ACSM6: variants seen among roughly 807,000 people sequenced by gnomAD.
ACSM6 encodes the protein acyl-coenzyme A synthetase ACSM6, mitochondrial.
A neutral mutation model predicts 51.1 loss-of-function variants in ACSM6; 35 were observed. The ratio of observed to expected loss-of-function variants is 0.69; its 90% CI spans 0.52 to 0.91. The LOEUF is 0.91. Ranked by LOEUF, ACSM6 falls within the 40% of genes least tolerant of loss-of-function variation. ACSM6 has a pLI of 0.00. For synonymous variants in ACSM6, 172 were observed against 207.3 expected, an observed-to-expected ratio of 0.83 and a Z score of 1.46; for missense variants, 509 against 584.1, an observed-to-expected ratio of 0.87 and a Z score of 1.32.
intron 3 of ACSM6, among the ~76,000 whole-genome samples, chr10:95,204,714 A>C (rs2034826184): frequency 6.6e-6 from 1 of 152,228 alleles, no homozygotes; most frequent in Non-Finnish European, 1.5e-5. Flanking sequence ...ATGAACCATT[A>C]AAAATTGAAA....
chr10:95,211,106 A>C (rs1479052223), intron 5 of ACSM6, among the ~76,000 whole-genome samples: 1 of 152,198 alleles, frequency 6.6e-6, no homozygotes, highest in Non-Finnish European at 1.5e-5. Context: ...CACCAGGGTG[A>C]ACAATTGTGT....
intron 9 of ACSM6, among the ~76,000 whole-genome samples, chr10:95,222,285 T>A (rs2035001281): frequency 6.6e-6 from 1 of 151,950 alleles, no homozygotes; most frequent in Non-Finnish European, 1.5e-5. Context: ...CAAAAATCAG[T>A]TGTGTTTCTA....
chr10:95,204,613 T>C (rs1460488467), intron 3 of ACSM6, among the ~76,000 whole-genome samples: 1 of 152,118 alleles, frequency 6.6e-6, no homozygotes, highest in African/African-American at 2.4e-5. Flanking sequence ...AATGAAAGCA[T>C]TGATTAGTTC....
At chr10:95,225,971 G>A (rs1357637315) in intron 10 of ACSM6, 1 of 152,132 alleles carries the variant, frequency 6.6e-6, no homozygotes, top group Non-Finnish European at 1.5e-5. Context: ...CTTACATATT[G>A]TTTCTTTATA....
intron 2 of ACSM6, among the ~76,000 whole-genome samples, chr10:95,196,234 C>G (rs774916507): frequency 1.2e-4 from 19 of 152,210 alleles, no homozygotes; most frequent in Admixed American, 3.3e-4. Context: ...AAAGGCCCAG[C>G]TGGGCCCTAC....
At chr10:95,212,055 G>A (rs2034898507) in intron 6 of ACSM6, 21 bp downstream of exon 6, 6 of 1,613,520 alleles carry the variant, frequency 3.7e-6, no homozygotes, top group Non-Finnish European at 5.1e-6. Context: ...TTCCTAGTGT[G>A]GAATGTGTGG....
chr10:95,213,237 C>T (rs914472519), intron 7 of ACSM6, among the ~76,000 whole-genome samples: 1 of 151,952 alleles, frequency 6.6e-6, no homozygotes. Flanking sequence ...AATATACTAC[C>T]TTTAATTCAA....
chr10:95,194,553 A>C (rs2034706451), exon 2 of ACSM6: 3 of 1,551,858 alleles, frequency 1.9e-6, no homozygotes, highest in African/African-American at 1.4e-5. Context: ...GCCTGCTGCT[A>C]TCCAAACCAA....
chr10:95,211,777 T>C, intron 5 of ACSM6, 101 bp from the exon 6 acceptor site: 2 of 1,265,328 alleles, frequency 1.6e-6, no homozygotes, highest in Non-Finnish European at 2.2e-6. Context: ...TTGTGTGATC[T>C]TTGTTTCTCC....
intron 10 of ACSM6, among the ~76,000 whole-genome samples, chr10:95,226,988 CTTT>C (rs11342263): frequency 1.1e-4 from 15 of 140,148 alleles, no homozygotes; most frequent in Admixed American, 1.4e-4. Context: ...TATATGACAA[CTTT>C]TTTTTTTTTT....
intron 8 of ACSM6, among the ~76,000 whole-genome samples, chr10:95,218,489 C>G (rs1208723161): frequency 2.6e-5 from 4 of 152,200 alleles, no homozygotes; most frequent in Non-Finnish European, 5.9e-5. Context: ...CTTTCTCTCC[C>G]TCTCAATTGC....
At position 95,210,570 on chromosome 10, in the gene ACSM6, G is replaced by A. The variant is rs1473509073; in HGVS notation, c.612-80G>A. The A allele has an allele frequency of 2.9e-6, 4 of 1,387,986 alleles. No individual in the cohort carries two copies. The South Asian group carries it at 6.4e-5, about 22-fold the overall frequency. The allele number at this position is 1,387,986 out of a possible 1,614,324, so 86.0% of individuals were successfully genotyped here. A position where few individuals can be genotyped will look rare whatever the true frequency, so the allele number is the denominator to read the frequency against. On this transcript the variant is annotated intron_variant, in intron 4 of 10. Coordinates refer to ENST00000341686, the Ensembl canonical transcript of ACSM6. The stretch of plus-strand genomic sequence containing the variant: ...CCAGCTGTTATTTTTTAAAATCAGA[G>A]ATTACCAAACCCAGGGCCTAGGCAC...
intron 8 of ACSM6, 43 bp from the exon 9 acceptor site, chr10:95,219,848 A>T: frequency 6.9e-7 from 1 of 1,453,752 alleles, no homozygotes; most frequent in Non-Finnish European, 9.6e-7. Context: ...CCATTAATTT[A>T]TTGCTTTTTT....
At chr10:95,214,910 G>A (rs1180243434) in exon 8 of ACSM6, 1 of 1,551,658 alleles carries the variant, frequency 6.4e-7, no homozygotes, top group Non-Finnish European at 8.7e-7. Context: ...CAGCCCTGGG[G>A]TGATTGAGGA....
At chr10:95,214,143 T>C (rs992893508) in intron 7 of ACSM6, among the ~76,000 whole-genome samples, 9 of 152,194 alleles carry the variant, frequency 5.9e-5, no homozygotes, top group African/African-American at 1.9e-4. Flanking sequence ...TTCTCCAATT[T>C]TGATCTTGCT....
chr10:95,217,778 T>C (rs1292830872), intron 8 of ACSM6, among the ~76,000 whole-genome samples: 8 of 152,240 alleles, frequency 5.3e-5, no homozygotes, highest in African/African-American at 1.9e-4. Context: ...GGTGGAGCTA[T>C]GTAGTTCCAT....
chr10:95,218,314 G>A (rs989512799), intron 8 of ACSM6, among the ~76,000 whole-genome samples: 1 of 152,122 alleles, frequency 6.6e-6, no homozygotes, highest in Non-Finnish European at 1.5e-5. Context: ...TGTGTTTTGT[G>A]AGCATTATTT....
intron 3 of ACSM6, among the ~76,000 whole-genome samples, chr10:95,203,806 A>G (rs1400486506): frequency 2.1e-5 from 3 of 144,940 alleles, no homozygotes; most frequent in Non-Finnish European, 4.5e-5. Flanking sequence ...ACTCATTAGG[A>G]GTTGCCACAA....
intron 2 of ACSM6, chr10:95,201,672 C>A (rs1437123060): frequency 3.9e-6 from 2 of 515,582 alleles, no homozygotes; most frequent in Admixed American, 4.6e-5. Flanking sequence ...TGGGTAGACA[C>A]CCAGTAGTGG....
Sources: gnomAD v4.1 joint callset for allele counts (sites outside exome capture counted in the v4.1 genomes callset) on GRCh38, gnomAD v4.1.1 for gene constraint, MANE v1.5 for transcripts, NCBI Gene and HGNC (gene_info 2026-07-23, HGNC 2026-07-21) for gene names.